ERC1: variants seen among roughly 807,000 people sequenced by gnomAD.
ERC1 encodes the protein ELKS/RAB6-interacting/CAST family member 1.
ERC1 carries 56 observed loss-of-function variants against 132.0 expected under a neutral mutation model. That is an observed-to-expected ratio of 0.42 (90% confidence interval 0.34 to 0.53). The LOEUF is 0.53. Among genes scored for constraint, ERC1 ranks in the 20% least tolerant of loss-of-function variants. The pLI is 0.03. For synonymous variants in ERC1, 478 were observed against 476.1 expected (o/e 1.00, Z -0.05); for missense variants, 1,202 against 1,349.9 (o/e 0.89, Z 1.72).
intron 14 of ERC1, among the ~76,000 whole-genome samples, chr12:1,281,822 A>G (rs1379390290): frequency 6.6e-6 from 1 of 152,198 alleles, no homozygotes; most frequent in Admixed American, 6.5e-5. Flanking sequence ...TGTCAAAGTC[A>G]CCTAAATAGA....
At chr12:1,426,583 AG>A (rs1447326034) in intron 17 of ERC1, among the ~76,000 whole-genome samples, 3 of 152,222 alleles carry the variant, frequency 2.0e-5, no homozygotes, top group Non-Finnish European at 4.4e-5. Context: ...CCAGAATTCT[AG>A]GATCTTTGCT....
chr12:1,164,279 AT>A (rs1566120641), intron 8 of ERC1, among the ~76,000 whole-genome samples: 2 of 135,450 alleles, frequency 1.5e-5, no homozygotes, highest in African/African-American at 5.8e-5. Flanking sequence ...TTGTTATTTT[AT>A]GTTATTTTAT....
intron 6 of ERC1, among the ~76,000 whole-genome samples, chr12:1,114,047 C>A (rs890038105): frequency 6.6e-6 from 1 of 151,906 alleles, no homozygotes; most frequent in African/African-American, 2.4e-5. Flanking sequence ...TTTTTTGAGA[C>A]AGAGTCTTTC....
At chr12:1,471,280 C>T (rs2093855226) in intron 18 of ERC1, among the ~76,000 whole-genome samples, 1 of 152,182 alleles carries the variant, frequency 6.6e-6, no homozygotes. Flanking sequence ...AGAGGTATAA[C>T]TTTTCAGGAA....
chr12:1,056,923 T>A (rs2154172549), intron 2 of ERC1, among the ~76,000 whole-genome samples: 1 of 152,334 alleles, frequency 6.6e-6, no homozygotes, highest in East Asian at 1.9e-4. Flanking sequence ...CCTTATTATC[T>A]GCGTAAATAA....
At chr12:1,314,226 G>A (rs967187764) in intron 15 of ERC1, among the ~76,000 whole-genome samples, 190 of 152,134 alleles carry the variant, frequency 1.2e-3, no homozygotes, top group Non-Finnish European at 3.2e-4. Flanking sequence ...CTCCATCCAT[G>A]AAATGAGAAC....
chr12:1,473,323 G>C (rs143959059), intron 18 of ERC1, among the ~76,000 whole-genome samples: 5 of 152,110 alleles, frequency 3.3e-5, no homozygotes, highest in African/African-American at 1.2e-4. Context: ...CACTGCGCCC[G>C]GCCCAAACTC....
chr12:1,035,908 C>T lies in ERC1; in HGVS notation c.669+7336C>T, dbSNP rs1423940268. Among the ~76,000 whole-genome samples, 161 of 150,684 alleles carry T rather than the reference C, an allele frequency of 1.1e-3. 1 individual carries two copies. Among genetic ancestry groups the T allele is most frequent in the Non-Finnish European group, 1.0e-4 (7 of 67,720 alleles). ...CTGCACTCCAGCCTGGGAGACAGAG[C>T]ATGACTCCGTCTCAGAAAAAAAAAA... is the stretch of plus-strand genomic sequence containing the variant. On this transcript the variant is annotated intron_variant, in intron 2 of 18. Transcript: ENST00000360905.
rs1243960722 is a variant in ERC1 at position 1,121,883 on chromosome 12, GTCTCTA to G, written c.1569+5890_1569+5895del. Among the ~76,000 whole-genome samples, 28 of 28,900 alleles carry G rather than the reference GTCTCTA, an allele frequency of 9.7e-4. 7 individuals carry two copies. The highest frequency in any genetic ancestry group is 3.0e-3 in the African/African-American group (22 of 7,214). The allele number at this position is 28,900 out of a possible 152,430, so 19.0% of individuals were successfully genotyped here. On this transcript the variant is annotated intron_variant, in intron 7 of 18. Coordinates refer to ENST00000360905, the MANE Select transcript of ERC1 (RefSeq NM_178040.4). ...TATCTCTATCTCTATCTCTATCTGT[GTCTCTA>G]TCTCTATCTCTATCTCTATCTCTAT...
chr12:1,248,465 A>G (rs2076284606), intron 13 of ERC1, among the ~76,000 whole-genome samples: 1 of 152,222 alleles, frequency 6.6e-6, no homozygotes, highest in Non-Finnish European at 1.5e-5. Flanking sequence ...CCCAAAGGAT[A>G]TTGAGATCTG....
chr12:1,311,365 G>GTTAGAGGTATGAGATCAGCCTTAGTTGA (rs550218004), intron 15 of ERC1, among the ~76,000 whole-genome samples: 4,456 of 151,082 alleles, frequency 0.029, 87 homozygotes, highest in Middle Eastern at 0.06. Flanking sequence ...CTTCAGTAGT[G>GTTAGAGGTATGAGATCAGCCTTAGTTGA]TTAGAGGTAT....
chr12:1,213,411 C>T (rs1958059763), intron 12 of ERC1, among the ~76,000 whole-genome samples: 1 of 152,028 alleles, frequency 6.6e-6, no homozygotes, highest in African/African-American at 2.4e-5. Flanking sequence ...CGTAGAAATA[C>T]TGTTGTAGAG....
chr12:1,154,202 G>GGTGTGT lies in ERC1; in HGVS notation c.1737+12422_1737+12427dup, dbSNP rs1278340440. 4.1e-5 allele frequency among the ~76,000 whole-genome samples: 5 copies of GGTGTGT among 122,212 alleles called. No individual in the cohort carries two copies. In the South Asian group the frequency reaches 1.3e-3, roughly 33 times the overall value. The allele number at this position is 122,212 out of a possible 152,430, so 80.2% of individuals were successfully genotyped here. A position where few individuals can be genotyped will look rare whatever the true frequency, so the allele number is the denominator to read the frequency against. ...TTTTCATGGCCGAGTAGTATTCCAT[G>GGTGTGT]GTGTGTGTGTGTATGTATATGTATA... On this transcript the variant is annotated intron_variant, in intron 8 of 18. Coordinates refer to ENST00000360905, the MANE Select transcript of ERC1 (RefSeq NM_178040.4).
chr12:1,407,079 A>T (rs1307474029), intron 16 of ERC1, among the ~76,000 whole-genome samples: 1 of 152,126 alleles, frequency 6.6e-6, no homozygotes, highest in African/African-American at 2.4e-5. Flanking sequence ...AAAATGTTCA[A>T]TATATTATTC....
intron 8 of ERC1, among the ~76,000 whole-genome samples, chr12:1,153,912 A>G (rs1244075700): frequency 6.6e-6 from 1 of 151,944 alleles, no homozygotes; most frequent in Non-Finnish European, 1.5e-5. Context: ...ATTCGTTTGG[A>G]GTAGTTTGGG....
At position 1,144,779 on chromosome 12, in the gene ERC1, A is replaced by G. The variant is rs568453562; in HGVS notation, c.1737+2992A>G. ...ATGCCTGTGCAAGTGTCTTTTTCGT[A>G]TAATGCCTTCCTTTCCTCTGGGTAG... On this transcript the variant is annotated intron_variant, in intron 8 of 18. Coordinates refer to ENST00000360905, the MANE Select transcript of ERC1 (RefSeq NM_178040.4). Among the ~76,000 whole-genome samples the G allele has an allele frequency of 5.9e-5, 9 of 151,746 alleles. No homozygotes were observed. In the South Asian group the frequency reaches 1.7e-3, roughly 28 times the overall value.
At chr12:1,116,814 C>A (rs2154211277) in intron 7 of ERC1, among the ~76,000 whole-genome samples, 1 of 152,258 alleles carries the variant, frequency 6.6e-6, no homozygotes, top group East Asian at 1.9e-4. Flanking sequence ...AACTCCTGAC[C>A]TCTTGATCCG....
intron 12 of ERC1, among the ~76,000 whole-genome samples, chr12:1,199,542 G>A (rs1209579283): frequency 2.0e-5 from 3 of 152,062 alleles, no homozygotes; most frequent in Non-Finnish European, 2.9e-5. Flanking sequence ...AGGCTGAGGC[G>A]GGTGGATCAC....
chr12:1,336,890 C>T (rs370113224), intron 15 of ERC1, among the ~76,000 whole-genome samples: 1 of 152,018 alleles, frequency 6.6e-6, no homozygotes, highest in Non-Finnish European at 1.5e-5. Context: ...CTCCGCCTCA[C>T]GGGTTCAAGC....
Sources: gnomAD v4.1 joint callset for allele counts (sites outside exome capture counted in the v4.1 genomes callset) on GRCh38, gnomAD v4.1.1 for gene constraint, MANE v1.5 for transcripts, NCBI Gene and HGNC (gene_info 2026-07-23, HGNC 2026-07-21) for gene names.